CDYL2: variants seen among roughly 807,000 people sequenced by gnomAD.
CDYL2 encodes chromodomain Y-like protein 2.
In CDYL2, 23 loss-of-function variants were observed where a neutral mutation model predicts 49.4. The ratio of observed to expected loss-of-function variants is 0.47; its 90% CI spans 0.34 to 0.66. The LOEUF is 0.66. CDYL2 is among the 30% of genes least tolerant of loss of function. The pLI, the probability that CDYL2 is intolerant of heterozygous loss-of-function variation, is 0.01. For missense variants in CDYL2, 678 were observed against 656.4 expected (o/e 1.03, Z -0.36); for synonymous variants, 360 against 268.8 (o/e 1.34, Z -3.32).
chr16:80,715,019 C>G (rs2142517007), intron 1 of CDYL2, among the ~76,000 whole-genome samples: 1 of 152,200 alleles, frequency 6.6e-6, no homozygotes, highest in Non-Finnish European at 1.5e-5. Flanking sequence ...AGAGAAACAT[C>G]AACAGACACT....
intron 1 of CDYL2, among the ~76,000 whole-genome samples, chr16:80,700,668 T>C (rs1904295650): frequency 6.6e-6 from 1 of 152,212 alleles, no homozygotes; most frequent in African/African-American, 2.4e-5. Context: ...GATGTGGGCA[T>C]ACGAATAGCT....
At position 80,620,281 on chromosome 16, in the gene CDYL2, C is replaced by A. The variant is rs372643173; in HGVS notation, c.1007+482G>T. 1.3e-4 allele frequency among the ~76,000 whole-genome samples: 20 copies of A among 152,294 alleles called. No homozygotes were observed. The East Asian group carries it at 3.3e-3, about 25-fold the overall frequency. ...TAGAAAGGGGGAAATACTCTGTACC[C>A]CGTTGGGTCTGCAAACACACAGCTG... is the stretch of plus-strand genomic sequence containing the variant. On this transcript the variant is annotated intron_variant, in intron 4 of 6. Coordinates refer to ENST00000570137, the MANE Select transcript of CDYL2 (RefSeq NM_152342.4).
chr16:80,616,369 C>T (rs1433464101), intron 4 of CDYL2, among the ~76,000 whole-genome samples: 2 of 152,204 alleles, frequency 1.3e-5, no homozygotes, highest in African/African-American at 2.4e-5. Flanking sequence ...ATGGGTAGTG[C>T]ATCTGCTGGG....
chr16:80,700,698 G>A (rs1904295883), intron 1 of CDYL2, among the ~76,000 whole-genome samples: 1 of 152,226 alleles, frequency 6.6e-6, no homozygotes, highest in Non-Finnish European at 1.5e-5. Context: ...CTTAGCATAT[G>A]TAAATGGATA....
chr16:80,774,357 G>A (rs907790740), intron 1 of CDYL2, among the ~76,000 whole-genome samples: 10 of 151,158 alleles, frequency 6.6e-5, no homozygotes, highest in Non-Finnish European at 1.3e-4. Flanking sequence ...TTGATCCCAC[G>A]GAAACAGAGA....
At chr16:80,714,521 C>T (rs1056265815) in intron 1 of CDYL2, among the ~76,000 whole-genome samples, 1 of 152,154 alleles carries the variant, frequency 6.6e-6, no homozygotes, top group Non-Finnish European at 1.5e-5. Context: ...CAAGAGGCTG[C>T]TGCCCACCTG....
chr16:80,786,750 A>T (rs58158801), intron 1 of CDYL2, among the ~76,000 whole-genome samples: 1,974 of 152,304 alleles, frequency 0.013, 35 homozygotes, highest in African/African-American at 0.044. Flanking sequence ...ATAAAAAAGG[A>T]TGAGTTCATG....
intron 1 of CDYL2, among the ~76,000 whole-genome samples, chr16:80,781,398 C>T (rs143412786): frequency 3.3e-3 from 500 of 152,172 alleles, no homozygotes; most frequent in African/African-American, 0.011. Flanking sequence ...AAGCAAAAAA[C>T]TGACAAAATA....
intron 2 of CDYL2, among the ~76,000 whole-genome samples, chr16:80,681,288 C>G (rs1259575140): frequency 6.6e-6 from 1 of 152,108 alleles, no homozygotes; most frequent in Admixed American, 6.5e-5. Flanking sequence ...GCTGCAAACC[C>G]CCAGTGCTCA....
At chr16:80,703,809 C>A (rs1038988351) in intron 1 of CDYL2, among the ~76,000 whole-genome samples, 1 of 152,124 alleles carries the variant, frequency 6.6e-6, no homozygotes, top group Admixed American at 6.5e-5. Flanking sequence ...GATTCCAGAC[C>A]ACACCTGGCC....
chr16:80,742,095 C>T (rs1395140998), intron 1 of CDYL2: 1 of 152,174 alleles, frequency 6.6e-6, no homozygotes, highest in Non-Finnish European at 1.5e-5. Context: ...TCTACTTTTA[C>T]AGATGAGAAA....
chr16:80,763,616 C>CA (rs139161412), intron 1 of CDYL2, among the ~76,000 whole-genome samples: 28,426 of 150,870 alleles, frequency 0.19, 3,552 homozygotes, highest in East Asian at 0.5. Flanking sequence ...TGTCTCAAAA[C>CA]AAAAAAATAA....
intron 1 of CDYL2, among the ~76,000 whole-genome samples, chr16:80,788,377 T>C (rs1023668470): frequency 1.3e-5 from 2 of 152,228 alleles, no homozygotes; most frequent in African/African-American, 4.8e-5. Flanking sequence ...CCTGATTAAC[T>C]CATTCACAAG....
chr16:80,726,413 T>C (rs1392784406), intron 1 of CDYL2, among the ~76,000 whole-genome samples: 1 of 152,230 alleles, frequency 6.6e-6, no homozygotes, highest in Non-Finnish European at 1.5e-5. Context: ...AAAATAACAT[T>C]GAATTCTGAA....
intron 1 of CDYL2, among the ~76,000 whole-genome samples, chr16:80,762,896 A>G (rs1027713035): frequency 6.6e-5 from 10 of 152,226 alleles, no homozygotes; most frequent in African/African-American, 2.4e-4. Context: ...GCTTCATTCA[A>G]GCATGAGCTA....
At chr16:80,731,312 T>C (rs371455655) in intron 1 of CDYL2, among the ~76,000 whole-genome samples, 2 of 151,908 alleles carry the variant, frequency 1.3e-5, no homozygotes, top group South Asian at 2.1e-4. Context: ...TATAAGACAG[T>C]AACACAATCA....
chr16:80,659,777 T>C (rs752478881), intron 2 of CDYL2, among the ~76,000 whole-genome samples: 2 of 152,062 alleles, frequency 1.3e-5, no homozygotes, highest in Non-Finnish European at 2.9e-5. Context: ...ATCCTGCAGA[T>C]AAGAATCAAA....
At chr16:80,755,953 G>C (rs1307305360) in intron 1 of CDYL2, among the ~76,000 whole-genome samples, 1 of 152,104 alleles carries the variant, frequency 6.6e-6, no homozygotes, top group African/African-American at 2.4e-5. Context: ...AGTCATTTAG[G>C]AAACATGCTC....
intron 1 of CDYL2, among the ~76,000 whole-genome samples, chr16:80,792,749 T>C (rs1907650420): frequency 6.6e-6 from 1 of 152,016 alleles, no homozygotes; most frequent in Admixed American, 6.5e-5. Flanking sequence ...GATGTGCCCA[T>C]CCCCACAGCT....
Sources: gnomAD v4.1 joint callset for allele counts (sites outside exome capture counted in the v4.1 genomes callset) on GRCh38, gnomAD v4.1.1 for gene constraint, MANE v1.5 for transcripts, NCBI Gene and HGNC (gene_info 2026-07-23, HGNC 2026-07-21) for gene names.